The following SLC25A48 variants were observed in gnomAD, a reference collection of about 807,000 sequenced individuals.
SLC25A48 encodes solute carrier family 25 member 48, also known as CTC-321K16.1.
Under a neutral mutation model 32.2 loss-of-function variants are expected in SLC25A48, and 29 were observed. That is an observed-to-expected ratio of 0.90 (90% CI 0.67 to 1.23). The LOEUF is 1.23. Ranked by LOEUF, SLC25A48 falls within the 50% of genes most tolerant of loss-of-function variation. The probability of loss-of-function intolerance (pLI) is 0.00; values close to 1 mark genes in which losing one functional copy is unlikely to be tolerated. For missense variants in SLC25A48, 399 were observed against 422.7 expected, an observed-to-expected ratio of 0.94 and a Z score of 0.49; for synonymous variants, 164 against 172.3, an observed-to-expected ratio of 0.95 and a Z score of 0.38.
intron 7 of SLC25A48, 122 bp downstream of exon 7, chr5:135,880,219 T>C: frequency 7.3e-7 from 1 of 1,371,490 alleles, no homozygotes. Flanking sequence ...ATCTAATCTG[T>C]GGTAGGCTGG....
intron 3 of SLC25A48, among the ~76,000 whole-genome samples, chr5:135,796,582 G>A (rs1757186697): frequency 6.7e-6 from 1 of 148,688 alleles, no homozygotes; most frequent in East Asian, 2.0e-4. Context: ...CAGGGGGAGA[G>A]GGTAATATTA....
intron 1 of SLC25A48, among the ~76,000 whole-genome samples, chr5:135,590,974 A>G (rs2126876277): frequency 6.6e-6 from 1 of 152,358 alleles, no homozygotes; most frequent in South Asian, 2.1e-4. Flanking sequence ...GTGAACTCTC[A>G]ACCCTCCTGA....
chr5:135,585,764 A>AAATAATAATAAT (rs1751349571), intron 1 of SLC25A48, among the ~76,000 whole-genome samples: 6 of 134,736 alleles, frequency 4.5e-5, no homozygotes, highest in Admixed American at 3.6e-4. Flanking sequence ...TGTAAAAAGA[A>AAATAATAATAAT]GATAATAATA....
In SLC25A48 at chr5:135,838,508, G is replaced by T. The variant is rs370448424; in HGVS notation, c.46+3615G>T. Among the ~76,000 whole-genome samples the T allele has an allele frequency of 3.9e-5, 6 of 152,350 alleles. No individual in the cohort carries two copies. The East Asian group carries it at 9.6e-4, about 24-fold the overall frequency. On this transcript the variant is annotated intron_variant, in intron 1 of 7. Transcript: ENST00000681962. ...AGACAGTGGGGTAAATATCTGCAGG[G>T]CATGTCAGAGACCTTGGTGACAGCC...
At chr5:135,606,536 T>A (rs1751935644) in intron 1 of SLC25A48, among the ~76,000 whole-genome samples, 1 of 152,202 alleles carries the variant, frequency 6.6e-6, no homozygotes, top group African/African-American at 2.4e-5. Context: ...AGCAGCATTG[T>A]CGGGTCTGTT....
chr5:135,779,607 A>C (rs1756671064), intron 3 of SLC25A48, among the ~76,000 whole-genome samples: 1 of 105,346 alleles, frequency 9.5e-6, no homozygotes, highest in African/African-American at 2.8e-5. Context: ...CACTCCCTAC[A>C]TAATATTGTT....
intron 3 of SLC25A48, among the ~76,000 whole-genome samples, chr5:135,735,957 C>A (rs1695273197): frequency 6.6e-6 from 1 of 152,080 alleles, no homozygotes; most frequent in Admixed American, 6.6e-5. Context: ...AGTCTTGGAT[C>A]CAAACTGTAA....
At chr5:135,773,931 A>G (rs1453377900) in intron 3 of SLC25A48, among the ~76,000 whole-genome samples, 1 of 151,604 alleles carries the variant, frequency 6.6e-6, no homozygotes, top group African/African-American at 2.4e-5. Context: ...AGAAGATATT[A>G]CTCCCAATAA....
In SLC25A48 at chr5:135,793,669, T is replaced by A. The variant is rs890850469; in HGVS notation, c.-520-18854T>A. Among the ~76,000 whole-genome samples the A allele has an allele frequency of 6.4e-4, 98 of 151,974 alleles. 2 individuals are homozygous for A. Among genetic ancestry groups the A allele is most frequent in the Admixed American group, 6.3e-3 (96 of 15,192 alleles). On this transcript the variant is annotated intron_variant, in intron 3 of 10. Coordinates refer to the SLC25A48 transcript ENST00000646290. ...TGTCACAGTGCATTTCCATCTTGTT[T>A]GTACATCCTGGGTTTATTATTTGTA...
At chr5:135,814,420 A>T (rs895387015) in intron 4 of SLC25A48, among the ~76,000 whole-genome samples, 13 of 152,180 alleles carry the variant, frequency 8.5e-5, no homozygotes, top group Admixed American at 8.5e-4. Flanking sequence ...TCCTGGGATC[A>T]TGTGTCCCAG....
At chr5:135,676,740 T>A (rs1240171858) in intron 3 of SLC25A48, among the ~76,000 whole-genome samples, 2 of 152,042 alleles carry the variant, frequency 1.3e-5, no homozygotes, top group Non-Finnish European at 2.9e-5. Flanking sequence ...AGGAGCATGT[T>A]GTTTAATTTC....
At chr5:135,791,295 A>G (rs1757026042) in intron 3 of SLC25A48, among the ~76,000 whole-genome samples, 1 of 151,866 alleles carries the variant, frequency 6.6e-6, no homozygotes, top group South Asian at 2.1e-4. Flanking sequence ...ATAATATCTT[A>G]GGTGAATGTT....
chr5:135,859,781 G>T (rs1349139783), intron 4 of SLC25A48, among the ~76,000 whole-genome samples: 1 of 152,198 alleles, frequency 6.6e-6, no homozygotes, highest in Non-Finnish European at 1.5e-5. Context: ...AGCAGGGCTG[G>T]TGAGTTGGTG....
chr5:135,800,353 A>G (rs187033686), intron 3 of SLC25A48, among the ~76,000 whole-genome samples: 1 of 152,042 alleles, frequency 6.6e-6, no homozygotes, highest in Non-Finnish European at 1.5e-5. Flanking sequence ...TATTATTCCC[A>G]ATATCGAAGG....
intron 1 of SLC25A48, among the ~76,000 whole-genome samples, chr5:135,835,307 T>C (rs571830855): frequency 6.6e-6 from 1 of 151,918 alleles, no homozygotes; most frequent in East Asian, 1.9e-4. Flanking sequence ...GGGCGCAGGG[T>C]GGTGGGAGCC....
intron 4 of SLC25A48, chr5:135,812,949 G>A (rs1419842178): frequency 6.6e-6 from 1 of 152,568 alleles, no homozygotes; most frequent in Admixed American, 6.5e-5. Flanking sequence ...TGCAGGTGGA[G>A]AAGAGGCGGC....
At chr5:135,882,424 G>T (rs1002847443) in intron 7 of SLC25A48, among the ~76,000 whole-genome samples, 1 of 152,178 alleles carries the variant, frequency 6.6e-6, no homozygotes, top group Non-Finnish European at 1.5e-5. Flanking sequence ...AGGACAGAGT[G>T]AGATGATGTA....
intron 3 of SLC25A48, among the ~76,000 whole-genome samples, chr5:135,745,619 G>A (rs1367788331): frequency 6.6e-6 from 1 of 152,152 alleles, no homozygotes; most frequent in East Asian, 1.9e-4. Flanking sequence ...TTCTGAGCAG[G>A]CTCCTAAGGT....
chr5:135,796,992 T>A (rs1561497665), intron 3 of SLC25A48, among the ~76,000 whole-genome samples: 2 of 151,916 alleles, frequency 1.3e-5, no homozygotes, highest in East Asian at 3.9e-4. Flanking sequence ...CACCCCCCCA[T>A]GATATTGTTT....
Sources: gnomAD v4.1 joint callset for allele counts (sites outside exome capture counted in the v4.1 genomes callset) on GRCh38, gnomAD v4.1.1 for gene constraint, MANE v1.5 for transcripts, NCBI Gene and HGNC (gene_info 2026-07-23, HGNC 2026-07-21) for gene names.